AP1G1: variants seen among roughly 807,000 people sequenced by gnomAD.
AP1G1 encodes AP-1 complex subunit gamma-1.
Under a neutral mutation model 108.3 loss-of-function variants are expected in AP1G1, and 7 were observed. The ratio of observed to expected loss-of-function variants is 0.06; its 90% CI spans 0.04 to 0.12. The LOEUF is 0.12. Ranked by LOEUF, AP1G1 falls within the 10% of genes least tolerant of loss-of-function variation. The pLI is 1.00. For missense variants in AP1G1, 756 were observed against 1,010.7 expected (o/e 0.75, Z 3.42); for synonymous variants, 379 against 353.5 (o/e 1.07, Z -0.81).
At chr16:71,758,598 C>T in intron 11 of AP1G1, 1 of 604,774 alleles carries the variant, frequency 1.7e-6, no homozygotes, top group East Asian at 3.1e-5. Flanking sequence ...TTATTGGCCT[C>T]CTTAACAACC....
chr16:71,777,690 C>T, intron 2 of AP1G1: 1 of 451,392 alleles, frequency 2.2e-6, no homozygotes. Flanking sequence ...GGCCCTTCAT[C>T]ATCTCCTTCT....
chr16:71,777,041 G>A (rs921319256), intron 2 of AP1G1, among the ~76,000 whole-genome samples: 61 of 149,650 alleles, frequency 4.1e-4, no homozygotes, highest in African/African-American at 1.3e-3. Context: ...ATTTGAAGGC[G>A]GGAGGTTGCA....
intron 2 of AP1G1, among the ~76,000 whole-genome samples, chr16:71,782,582 G>A (rs543160918): frequency 5.3e-5 from 8 of 151,948 alleles, no homozygotes; most frequent in African/African-American, 9.7e-5. Flanking sequence ...CACCTCCCGG[G>A]TTCAAGCGAT....
At chr16:71,758,629 C>T (rs1597053084) in intron 11 of AP1G1, 179 bp downstream of exon 11, 1 of 605,916 alleles carries the variant, frequency 1.7e-6, no homozygotes, top group Non-Finnish European at 3.0e-6. Flanking sequence ...CCTGCCAATC[C>T]TTTCTAAAAA....
At chr16:71,761,756 T>C (rs1346244079) in intron 9 of AP1G1, among the ~76,000 whole-genome samples, 189 bp from the exon 10 acceptor site, 1 of 134,244 alleles carries the variant, frequency 7.4e-6, no homozygotes, top group Non-Finnish European at 1.5e-5. Context: ...GATCGCCAGG[T>C]CAGTGAGTCA....
chr16:71,793,745 T>C (rs1446859826), intron 1 of AP1G1, among the ~76,000 whole-genome samples: 1 of 152,160 alleles, frequency 6.6e-6, no homozygotes, highest in African/African-American at 2.4e-5. Context: ...AGTGCAGTGG[T>C]GCGATCTCGG....
intron 1 of AP1G1, among the ~76,000 whole-genome samples, chr16:71,807,558 T>C (rs532338299): frequency 6.6e-6 from 1 of 152,276 alleles, no homozygotes; most frequent in African/African-American, 2.4e-5. Context: ...AACGTGAAAG[T>C]TAGGGTGTGT....
intron 1 of AP1G1, among the ~76,000 whole-genome samples, chr16:71,791,509 G>A (rs758179061): frequency 6.6e-6 from 1 of 151,746 alleles, no homozygotes; most frequent in African/African-American, 2.4e-5. Context: ...ATAGGGAAAC[G>A]CTGTCTCTAC....
chr16:71,780,147 C>T (rs2031955726), intron 2 of AP1G1, among the ~76,000 whole-genome samples: 1 of 151,792 alleles, frequency 6.6e-6, no homozygotes, highest in Non-Finnish European at 1.5e-5. Context: ...GCACGCACCA[C>T]TATATCCGGC....
intron 11 of AP1G1, 37 bp from the exon 12 acceptor site, chr16:71,756,196 T>G (rs761915929): frequency 8.2e-6 from 13 of 1,586,664 alleles, no homozygotes; most frequent in East Asian, 4.5e-5. Flanking sequence ...GTTAAGAAAT[T>G]TATAGTGGAA....
chr16:71,766,080 T>G (rs563157463), intron 6 of AP1G1, among the ~76,000 whole-genome samples: 10 of 152,242 alleles, frequency 6.6e-5, no homozygotes, highest in African/African-American at 2.4e-4. Flanking sequence ...TCTCTTAAGA[T>G]AGAAGAGTTA....
chr16:71,732,849 G>T lies in AP1G1; in HGVS notation c.*209C>A. 2.0e-6 allele frequency: 1 copy of T among 489,782 alleles called. No individual in the cohort carries two copies. The highest frequency in any genetic ancestry group is 3.6e-6 in the Non-Finnish European group (1 of 275,964). The allele number at this position is 489,782 out of a possible 1,614,324, so 30.3% of individuals were successfully genotyped here. A position where few individuals can be genotyped will look rare whatever the true frequency, so the allele number is the denominator to read the frequency against. On this transcript the variant is annotated 3_prime_UTR_variant, in exon 23 of 23. Transcript: ENST00000299980. ...GAGGAAGAGTGCAAAGTAGCCTCCAGAAGCAGCCAGCCTCAACAGTGGAGG... is the reference window on the plus strand; with the variant it reads ...GAGGAAGAGTGCAAAGTAGCCTCCATAAGCAGCCAGCCTCAACAGTGGAGG...
intron 13 of AP1G1, among the ~76,000 whole-genome samples, chr16:71,753,191 C>T (rs1212538100): frequency 6.6e-6 from 1 of 152,118 alleles, no homozygotes; most frequent in Non-Finnish European, 1.5e-5. Context: ...ATACCTAATC[C>T]TTGCCTACTA....
rs765286895 is a variant in AP1G1, at chr16:71,755,639, AT to A, written c.1229+379del. ...TAAACATATTTAAAGTAGTTTCCCC[AT>A]TTTTTTTTTTTTGTTTTGTTTTTGA... On this transcript the variant is annotated intron_variant, in intron 12 of 22. Transcript: ENST00000299980. 9.6e-3 allele frequency among the ~76,000 whole-genome samples: 1,448 copies of A among 150,200 alleles called. 56 individuals carry two copies. The highest frequency in any genetic ancestry group is 0.068 in the Admixed American group (1,028 of 15,134).
At chr16:71,799,910 T>A (rs1597091457) in intron 1 of AP1G1, among the ~76,000 whole-genome samples, 1 of 141,032 alleles carries the variant, frequency 7.1e-6, no homozygotes, top group South Asian at 2.2e-4. Context: ...AAAATAATAA[T>A]AATAATAATA....
At chr16:71,785,981 T>C (rs1476065293) in intron 2 of AP1G1, among the ~76,000 whole-genome samples, 6 of 152,126 alleles carry the variant, frequency 3.9e-5, no homozygotes, top group Admixed American at 3.3e-4. Flanking sequence ...TTTAAAGGCA[T>C]ATTATAAAGG....
At chr16:71,799,006 G>C (rs2032689707) in intron 1 of AP1G1, among the ~76,000 whole-genome samples, 1 of 151,522 alleles carries the variant, frequency 6.6e-6, no homozygotes, top group Non-Finnish European at 1.5e-5. Flanking sequence ...GAAAAATGAA[G>C]CAAGGACATG....
intron 1 of AP1G1, among the ~76,000 whole-genome samples, chr16:71,795,373 A>C (rs759168302): frequency 2.0e-5 from 3 of 152,244 alleles, no homozygotes; most frequent in Non-Finnish European, 2.9e-5. Flanking sequence ...CTTTCTGGCT[A>C]AACAATGAGA....
intron 19 of AP1G1, among the ~76,000 whole-genome samples, chr16:71,740,280 C>T (rs1301322347): frequency 2.0e-5 from 3 of 152,146 alleles, no homozygotes; most frequent in East Asian, 3.8e-4. Context: ...CACCCCTGGG[C>T]TTTTATGCAT....
Sources: allele counts gnomAD v4.1 joint callset (sites outside exome capture counted in the v4.1 genomes callset), GRCh38; gene constraint gnomAD v4.1.1; transcripts MANE v1.5; gene names NCBI Gene and HGNC (gene_info 2026-07-23, HGNC 2026-07-21).